Variants in COL24A1 observed in about 807,000 individuals in gnomAD.
The protein encoded by COL24A1 is collagen type XXIV alpha 1 chain.
Under a neutral mutation model 253.9 loss-of-function variants are expected in COL24A1, and 224 were observed. The observed-to-expected ratio is 0.88, with a 90% CI of 0.79 to 0.99. The LOEUF (loss-of-function observed/expected upper bound fraction) is 0.99, where lower values mean the gene tolerates loss of function less well. Ranked by LOEUF, COL24A1 falls within the 50% of genes least tolerant of loss-of-function variation. The pLI, the probability that COL24A1 is intolerant of heterozygous loss-of-function variation, is 0.00. For missense variants in COL24A1, 2,131 were observed against 2,068.5 expected, an observed-to-expected ratio of 1.03 and a Z score of -0.59; for synonymous variants, 685 against 673.7, an observed-to-expected ratio of 1.02 and a Z score of -0.26.
intron 19 of COL24A1, among the ~76,000 whole-genome samples, chr1:85,997,786 AT>A (rs1306799784): frequency 1.3e-5 from 2 of 151,438 alleles, no homozygotes; most frequent in African/African-American, 4.8e-5. Flanking sequence ...AAAGATGATT[AT>A]GTGGTCAAAG....
In COL24A1 at chr1:85,732,677, A is replaced by G. The variant is rs527353513; in HGVS notation, c.4999-1985T>C. Among the ~76,000 whole-genome samples the G allele has an allele frequency of 2.6e-5, 4 of 152,132 alleles. No homozygotes were observed. In the South Asian group the frequency reaches 8.3e-4, roughly 32 times the overall value. ...TTACTTACTTGCGAATTTATTTTTA[A>G]TTATGCTAATTGGCTGCCTTACTTT... On this transcript the variant is annotated intron_variant, in intron 59 of 59. Coordinates refer to ENST00000370571, the MANE Select transcript of COL24A1 (RefSeq NM_152890.7).
chr1:85,924,390 TCCCTGA>T (rs1195849901), intron 24 of COL24A1, among the ~76,000 whole-genome samples: 3 of 152,114 alleles, frequency 2.0e-5, no homozygotes, highest in Non-Finnish European at 4.4e-5. Flanking sequence ...TAGACCAATA[TCCCTGA>T]TGAACATTGA....
chr1:86,003,914 A>G (rs539498738), intron 19 of COL24A1, among the ~76,000 whole-genome samples: 4 of 152,310 alleles, frequency 2.6e-5, no homozygotes, highest in African/African-American at 7.2e-5. Context: ...GAGGTTATAA[A>G]AAACCAAGTA....
At chr1:86,082,537 T>C (rs929638715) in intron 7 of COL24A1, among the ~76,000 whole-genome samples, 6 of 151,324 alleles carry the variant, frequency 4.0e-5, no homozygotes. Flanking sequence ...ACCTCCACTA[T>C]GTACTATAAT....
At chr1:86,073,673 T>C (rs1007906027) in intron 7 of COL24A1, among the ~76,000 whole-genome samples, 1 of 152,056 alleles carries the variant, frequency 6.6e-6, no homozygotes, top group African/African-American at 2.4e-5. Context: ...AATTGTCAGA[T>C]TCACCAAGGT....
rs1691444845 is a variant in COL24A1 at position 85,965,205 on chromosome 1, T to A, written c.2464-143A>T. The A allele has an allele frequency of 2.3e-5, 15 of 647,504 alleles. 2 individuals are homozygous for A. In the South Asian group the frequency reaches 3.7e-4, roughly 16 times the overall value. 40.1% of individuals were successfully genotyped at this position (647,504 alleles called of 1,614,324 possible). A position where few individuals can be genotyped will look rare whatever the true frequency, so the allele number is the denominator to read the frequency against. On this transcript the variant is annotated intron_variant, in intron 22 of 59. Transcript: ENST00000370571. ...ATTTGATAAATGTATTTCATCATAC[T>A]CATTTGCCATTCATTCTACAAATAT...
rs186272149 is a variant in COL24A1, at chr1:85,976,862, A to G, written c.2365-5469T>C. 3.3e-5 allele frequency among the ~76,000 whole-genome samples: 5 copies of G among 152,208 alleles called. No homozygotes were observed. In the East Asian group the frequency reaches 9.7e-4, roughly 29 times the overall value. On this transcript the variant is annotated intron_variant, in intron 20 of 59. Transcript: ENST00000370571. The stretch of plus-strand genomic sequence containing the variant: ...AACAGCTAATTCCACTGACTGCAAC[A>G]CCCTGGCTAACCAGAGGTCCTGAGT...
chr1:85,881,619 T>C (rs1311418530), intron 32 of COL24A1, among the ~76,000 whole-genome samples: 1 of 152,148 alleles, frequency 6.6e-6, no homozygotes, highest in Non-Finnish European at 1.5e-5. Context: ...AACGAGACTC[T>C]GTCTCAAAAC....
intron 25 of COL24A1, 135 bp from the exon 26 acceptor site, chr1:85,910,138 T>C: frequency 1.9e-6 from 1 of 528,012 alleles, no homozygotes; most frequent in Non-Finnish European, 3.2e-6. Flanking sequence ...CCAATAATTT[T>C]TAAATTTACA....
At chr1:85,788,160 G>A (rs948049202) in intron 47 of COL24A1, among the ~76,000 whole-genome samples, 6 of 151,848 alleles carry the variant, frequency 4.0e-5, no homozygotes, top group African/African-American at 1.2e-4. Context: ...GTGCGATCTC[G>A]GCTCACTGCA....
intron 20 of COL24A1, among the ~76,000 whole-genome samples, chr1:85,979,632 A>G (rs1474395067): frequency 6.6e-6 from 1 of 152,050 alleles, no homozygotes; most frequent in Non-Finnish European, 1.5e-5. Context: ...AGATTAAACC[A>G]GGAAGAAACA....
chr1:85,927,375 G>A (rs1338841588), intron 24 of COL24A1, among the ~76,000 whole-genome samples: 3 of 150,870 alleles, frequency 2.0e-5, no homozygotes, highest in Non-Finnish European at 3.0e-5. Context: ...TTTTCAGACC[G>A]GCTTAAGAAA....
At chr1:86,114,284 G>A (rs61802236) in intron 4 of COL24A1, among the ~76,000 whole-genome samples, 26,067 of 152,118 alleles carry the variant, frequency 0.17, 2,344 homozygotes, top group South Asian at 0.25. Context: ...GATAAAAAGT[G>A]AATTAGGGAA....
At chr1:86,100,852 C>T (rs936447803) in intron 5 of COL24A1, among the ~76,000 whole-genome samples, 3 of 152,140 alleles carry the variant, frequency 2.0e-5, no homozygotes, top group Non-Finnish European at 2.9e-5. Context: ...AAAAGCTCCA[C>T]ACTCCCCATC....
chr1:85,763,467 GTCTCTGTTAATTT>G (rs1558029295), intron 53 of COL24A1, among the ~76,000 whole-genome samples: 1 of 148,656 alleles, frequency 6.7e-6, no homozygotes, highest in Non-Finnish European at 1.5e-5. Context: ...CACCATGATT[GTCTCTGTTAATTT>G]TCTTTTACTT....
intron 1 of COL24A1, among the ~76,000 whole-genome samples, chr1:86,152,211 T>C (rs1219152223): frequency 2.0e-5 from 3 of 152,104 alleles, no homozygotes; most frequent in Non-Finnish European, 4.4e-5. Flanking sequence ...CAGGTGGTAG[T>C]TATATAGCTA....
rs1680056853 is a variant in COL24A1 at position 85,868,639 on chromosome 1, A to G, written c.3193-13T>C. The G allele has an allele frequency of 5.0e-6, 8 of 1,606,536 alleles. No homozygotes were observed. The South Asian group carries it at 8.8e-5, about 18-fold the overall frequency. On this transcript the variant is annotated splice_polypyrimidine_tract_variant and intron_variant, in intron 36 of 59. Coordinates refer to ENST00000370571, the MANE Select transcript of COL24A1 (RefSeq NM_152890.7). ...CTCCTGGTACTCCCTGTAATGCAAT[A>G]AAAAAGTTTTCTATAAAGGAATACA...
chr1:85,997,651 C>T (rs1204272159), intron 19 of COL24A1, among the ~76,000 whole-genome samples: 1 of 151,826 alleles, frequency 6.6e-6, no homozygotes, highest in African/African-American at 2.4e-5. Context: ...GGTGCGGTGA[C>T]ATGCGCCTGT....
At chr1:85,743,062 C>T (rs957514281) in intron 57 of COL24A1, among the ~76,000 whole-genome samples, 5 of 152,108 alleles carry the variant, frequency 3.3e-5, no homozygotes, top group Admixed American at 2.6e-4. Flanking sequence ...ATTGTATTTG[C>T]AACATATTAG....
Sources: gnomAD v4.1 joint callset for allele counts (sites outside exome capture counted in the v4.1 genomes callset) on GRCh38, gnomAD v4.1.1 for gene constraint, MANE v1.5 for transcripts, NCBI Gene and HGNC (gene_info 2026-07-23, HGNC 2026-07-21) for gene names.